The following SH2D4A variants were observed in gnomAD, a reference collection of about 807,000 sequenced individuals.
SH2D4A encodes SH2 domain-containing protein 4A.
In SH2D4A, 70 loss-of-function variants were observed where a neutral mutation model predicts 64.7. The ratio of observed to expected loss-of-function variants is 1.08; its 90% CI spans 0.89 to 1.32. The LOEUF (loss-of-function observed/expected upper bound fraction) is 1.32. SH2D4A is among the 40% of genes most tolerant of loss of function. The pLI, the probability that SH2D4A is intolerant of heterozygous loss-of-function variation, is 0.00. For missense variants in SH2D4A, 706 were observed against 540.1 expected, an observed-to-expected ratio of 1.31 and a Z score of -3.04; for synonymous variants, 268 against 200.7, an observed-to-expected ratio of 1.34 and a Z score of -2.83.
chr8:19,352,061 G>T (rs2052714242), intron 4 of SH2D4A, among the ~76,000 whole-genome samples: 1 of 152,134 alleles, frequency 6.6e-6, no homozygotes, highest in East Asian at 1.9e-4. Context: ...GGGATTACAG[G>T]CCTGAGCCAC....
Position 19,393,559 on chromosome 8 carries a change from C to CT in SH2D4A, c.1272+20dup. 1 of 1,610,712 alleles carries CT rather than the reference C, an allele frequency of 6.2e-7. No homozygotes were observed. Among genetic ancestry groups the CT allele is most frequent in the Non-Finnish European group, 8.5e-7 (1 of 1,177,702 alleles). On this transcript the variant is annotated intron_variant, in intron 9 of 9. Transcript: ENST00000265807. ...ATCACAAGGTGAAGCAATGCATAAA[C>CT]TTAATTTGCCTTCTGAGTTACTGTC... is the stretch of plus-strand genomic sequence containing the variant.
chr8:19,328,253 G>A (rs1419765708), intron 2 of SH2D4A, among the ~76,000 whole-genome samples: 2 of 152,000 alleles, frequency 1.3e-5, no homozygotes, highest in African/African-American at 2.4e-5. Context: ...GGCTAATCTC[G>A]GCCTCACTTC....
intron 1 of SH2D4A, among the ~76,000 whole-genome samples, chr8:19,317,290 TGACAA>T (rs1459404101): frequency 6.7e-6 from 1 of 150,100 alleles, no homozygotes; most frequent in Non-Finnish European, 1.5e-5. Flanking sequence ...CAAGAAATCT[TGACAA>T]GACATCCATT....
At chr8:19,359,663 G>A (rs1563200569) in intron 5 of SH2D4A, among the ~76,000 whole-genome samples, 1 of 151,612 alleles carries the variant, frequency 6.6e-6, no homozygotes, top group East Asian at 1.9e-4. Context: ...GCAAACAAAA[G>A]GAGCTTAGCT....
At chr8:19,358,481 T>A (rs908754873) in intron 5 of SH2D4A, among the ~76,000 whole-genome samples, 16 of 152,206 alleles carry the variant, frequency 1.1e-4, no homozygotes, top group African/African-American at 3.9e-4. Context: ...AGAAGGCCAC[T>A]CTGGGAAGGC....
chr8:19,370,376 A>G (rs540989660), intron 7 of SH2D4A, among the ~76,000 whole-genome samples: 38 of 152,178 alleles, frequency 2.5e-4, no homozygotes, highest in Non-Finnish European at 5.2e-4. Flanking sequence ...CAGTCTTTCT[A>G]TGTAGGTATA....
At position 19,352,072 on chromosome 8, in the gene SH2D4A, C is replaced by A. The variant is rs1246499444; in HGVS notation, c.514-5131C>A. On this transcript the variant is annotated intron_variant, in intron 4 of 9. Coordinates refer to ENST00000265807, the MANE Select transcript of SH2D4A (RefSeq NM_022071.4). ...TGCTGGGATTACAGGCCTGAGCCACCGCCTCCAGCCTATAACCCTACTTAT... is the reference window on the plus strand; with the variant it reads ...TGCTGGGATTACAGGCCTGAGCCACAGCCTCCAGCCTATAACCCTACTTAT... 2.0e-5 allele frequency among the ~76,000 whole-genome samples: 3 copies of A among 152,260 alleles called. No individual in the cohort carries two copies. The South Asian group carries it at 6.2e-4, about 32-fold the overall frequency.
intron 2 of SH2D4A, among the ~76,000 whole-genome samples, chr8:19,325,652 G>A (rs191928220): frequency 4.9e-4 from 75 of 152,218 alleles, no homozygotes; most frequent in African/African-American, 1.4e-3. Flanking sequence ...CTTTTCCAGC[G>A]GAGGTTCTCT....
intron 7 of SH2D4A, among the ~76,000 whole-genome samples, chr8:19,369,920 T>C (rs781758492): frequency 2.4e-4 from 37 of 152,208 alleles, no homozygotes; most frequent in Non-Finnish European, 4.7e-4. Context: ...ATTTGATATC[T>C]TTCTACTTTT....
In SH2D4A at chr8:19,334,807, C is replaced by T. The variant is rs1223268401; in HGVS notation, c.463C>T (p.Leu155=). The T allele has an allele frequency of 1.2e-5, 19 of 1,614,032 alleles. No homozygotes were observed. The highest frequency in any genetic ancestry group is 2.2e-5 in the East Asian group (1 of 44,868). The change falls in exon 4 of 10, where the codon CTG becomes TTG. Residue 155 remains leucine (L), a synonymous_variant. Coordinates refer to ENST00000265807, the MANE Select transcript of SH2D4A (RefSeq NM_022071.4). ...IWKKVAEKEE[L]EQGSRPAPTL... ...GAAGAAAGTGGCAGAAAAGGAGGAA[C>T]TGGAGCAAGGATCGAGGCCAGCACC... is the stretch of plus-strand genomic sequence containing the variant.
intron 9 of SH2D4A, 126 bp from the exon 10 acceptor site, chr8:19,394,424 G>T: frequency 1.6e-6 from 1 of 612,140 alleles, no homozygotes. Context: ...TGCCTTTTAA[G>T]ATGATCATAA....
intron 8 of SH2D4A, among the ~76,000 whole-genome samples, chr8:19,377,778 T>G (rs2053220663): frequency 6.6e-6 from 1 of 152,166 alleles, no homozygotes; most frequent in East Asian, 1.9e-4. Context: ...TATACACCCT[T>G]GAACATGTCT....
intron 8 of SH2D4A, among the ~76,000 whole-genome samples, 194 bp downstream of exon 8, chr8:19,373,854 C>A (rs1366398856): frequency 6.6e-6 from 1 of 152,172 alleles, no homozygotes; most frequent in Non-Finnish European, 1.5e-5. Flanking sequence ...AAGCAGTCAG[C>A]ATTCATGGGC....
At chr8:19,366,775 G>C (rs184225676) in intron 7 of SH2D4A, among the ~76,000 whole-genome samples, 96 of 152,280 alleles carry the variant, frequency 6.3e-4, no homozygotes, top group Middle Eastern at 6.8e-3. Flanking sequence ...CTGGATGACA[G>C]AGTGAGACTC....
intron 6 of SH2D4A, among the ~76,000 whole-genome samples, chr8:19,362,507 A>C (rs1188303349): frequency 6.6e-6 from 1 of 152,188 alleles, no homozygotes; most frequent in African/African-American, 2.4e-5. Flanking sequence ...TGGGAGGCCA[A>C]GGTGGGTGGA....
chr8:19,320,610 T>G (rs1585142298), intron 2 of SH2D4A, among the ~76,000 whole-genome samples: 1 of 112,890 alleles, frequency 8.9e-6, no homozygotes. Flanking sequence ...GGTGACAGAG[T>G]GAGACTGTGT....
In SH2D4A at chr8:19,317,469, C is replaced by T. The variant is rs1010291197; in HGVS notation, c.-204-1875C>T. On this transcript the variant is annotated intron_variant, in intron 1 of 9. Coordinates refer to ENST00000265807, the MANE Select transcript of SH2D4A (RefSeq NM_022071.4). ...TTTGGATTCTGGTAGTTGAATGCTGCCGAGATGATAGGTTGCAGTCAGTAG... is the reference window on the plus strand; with the variant it reads ...TTTGGATTCTGGTAGTTGAATGCTGTCGAGATGATAGGTTGCAGTCAGTAG... 4.0e-5 allele frequency among the ~76,000 whole-genome samples: 6 copies of T among 149,194 alleles called. 1 individual carries two copies. The highest frequency in any genetic ancestry group is 8.9e-5 in the Non-Finnish European group (6 of 67,488).
chr8:19,366,740 C>G (rs780685087), intron 7 of SH2D4A, among the ~76,000 whole-genome samples: 1 of 151,470 alleles, frequency 6.6e-6, no homozygotes, highest in Non-Finnish European at 1.5e-5. Context: ...TGTTGTGAGC[C>G]AAGATCACAC....
chr8:19,370,468 T>A (rs1237135316), intron 7 of SH2D4A, among the ~76,000 whole-genome samples: 2 of 152,076 alleles, frequency 1.3e-5, no homozygotes, highest in African/African-American at 4.8e-5. Flanking sequence ...TGTATTGAAC[T>A]CTTTATTATT....
Sources: allele counts gnomAD v4.1 joint callset (sites outside exome capture counted in the v4.1 genomes callset), GRCh38; gene constraint gnomAD v4.1.1; transcripts MANE v1.5; gene names NCBI Gene and HGNC (gene_info 2026-07-23, HGNC 2026-07-21).